Variants in AHSA1 observed in about 807,000 individuals in gnomAD.
The protein encoded by AHSA1 is activator of 90 kDa heat shock protein ATPase homolog 1.
A neutral mutation model predicts 46.1 loss-of-function variants in AHSA1; 14 were observed. That is an observed-to-expected ratio of 0.30 (90% CI 0.20 to 0.47). AHSA1 has a LOEUF of 0.47. Among genes scored for constraint, AHSA1 ranks in the 20% least tolerant of loss-of-function variants. The pLI is 0.99. For synonymous variants in AHSA1, 147 were observed against 145.8 expected (o/e 1.01, Z -0.06); for missense variants, 333 against 415.9 (o/e 0.80, Z 1.73).
At chr14:77,461,085 G>T (rs139094061) in intron 2 of AHSA1, among the ~76,000 whole-genome samples, 3,228 of 152,156 alleles carry the variant, frequency 0.021, 52 homozygotes, top group Non-Finnish European at 0.033. Context: ...CTTGAACCCA[G>T]GAGGCGGAGG....
In AHSA1 at chr14:77,465,637, G is replaced by A; in HGVS notation, c.660G>A (p.Glu220=). 2 of 1,613,840 alleles carry A rather than the reference G, an allele frequency of 1.2e-6. No homozygotes were observed. Among genetic ancestry groups the A allele is most frequent in the Non-Finnish European group, 1.7e-6 (2 of 1,179,778 alleles). Residue 220 remains glutamate (E), a synonymous_variant, in exon 6 of 9, where the codon GAG becomes GAA. Transcript: ENST00000216479. ...TLKETFLTSP[E]ELYRVFTTQE... ...AGGAAACCTTCCTGACGTCACCAGAGGAGCTCTATAGAGTGTTTACCACCC... is the reference window on the plus strand; with the variant it reads ...AGGAAACCTTCCTGACGTCACCAGAAGAGCTCTATAGAGTGTTTACCACCC...
upstream of AHSA1, chr14:77,457,914 G>A: frequency 2.0e-6 from 1 of 501,928 alleles, no homozygotes; most frequent in South Asian, 3.2e-5. Flanking sequence ...TGAGCAGTTG[G>A]GTTTCGGGAC....
Position 77,469,128 on chromosome 14 carries a change from A to C in AHSA1, c.896A>C (p.Glu299Ala). Reference sequence around the variant, plus strand: ...TTCATCGACAAGAACGGAGAGACTGAGCTGTGCATGGAAGGTCGAGGCATC... The same window carrying C: ...TTCATCGACAAGAACGGAGAGACTGCGCTGTGCATGGAAGGTCGAGGCATC... ...LTFIDKNGET[E>A]LCMEGRGIPA... is the part of the protein sequence containing the mutation. The change falls in exon 9 of 9, where the codon GAG becomes GCG. Residue 299 changes from glutamate to alanine, a missense_variant. Transcript: ENST00000216479. The C allele has an allele frequency of 1.9e-6, 3 of 1,614,170 alleles. No individual in the cohort carries two copies. Among genetic ancestry groups the C allele is most frequent in the Non-Finnish European group, 2.5e-6 (3 of 1,180,032 alleles).
Position 77,467,497 on chromosome 14 carries a change from G to T in AHSA1, c.691-586G>T, listed in dbSNP as rs1477115988. Among the ~76,000 whole-genome samples the T allele has an allele frequency of 4.6e-5, 7 of 151,910 alleles. No homozygotes were observed. In the East Asian group the frequency reaches 1.4e-3, roughly 29 times the overall value. On this transcript the variant is annotated intron_variant, in intron 6 of 8. Coordinates refer to ENST00000216479, the MANE Select transcript of AHSA1 (RefSeq NM_012111.3). ...TCACGAGGTCAGGAGTTCAAGACCA[G>T]CCTGGCCAAGATGGTGAAACCCCAT... is the stretch of plus-strand genomic sequence containing the variant.
intron 7 of AHSA1, 76 bp from the exon 8 acceptor site, chr14:77,468,381 G>T: frequency 7.2e-7 from 1 of 1,391,978 alleles, no homozygotes; most frequent in African/African-American, 1.4e-5. Context: ...TCCGTATGAA[G>T]GGCAGATGAC....
At chr14:77,467,782 T>C (rs915847065) in intron 6 of AHSA1, among the ~76,000 whole-genome samples, 15 of 152,256 alleles carry the variant, frequency 9.9e-5, no homozygotes, top group African/African-American at 3.6e-4. Context: ...TCTCAAACAT[T>C]TACTTGAGAA....
Position 77,459,820 on chromosome 14 carries a change from G to C in AHSA1, c.271+14G>C, listed in dbSNP as rs758336265. The C allele has an allele frequency of 3.1e-6, 5 of 1,613,736 alleles. No homozygotes were observed. The highest frequency in any genetic ancestry group is 4.2e-6 in the Non-Finnish European group (5 of 1,179,610). On this transcript the variant is annotated intron_variant, in intron 2 of 8. Coordinates refer to ENST00000216479, the MANE Select transcript of AHSA1 (RefSeq NM_012111.3). ...TAAACTGGACAGGTAAGTCTAAGCTGGGCTGTCAGAGAGATTAACTGTGTT... is the reference window on the plus strand; with the variant it reads ...TAAACTGGACAGGTAAGTCTAAGCTCGGCTGTCAGAGAGATTAACTGTGTT...
intron 5 of AHSA1, among the ~76,000 whole-genome samples, chr14:77,465,290 T>C (rs562419510): frequency 1.3e-5 from 2 of 152,330 alleles, no homozygotes; most frequent in East Asian, 3.9e-4. Flanking sequence ...AATGATTTGA[T>C]TTGTTATTTG....
At position 77,458,119 on chromosome 14, in the gene AHSA1, C is replaced by T. The variant is rs752557556; in HGVS notation, c.-71C>T. 3.7e-6 allele frequency: 5 copies of T among 1,360,142 alleles called. No homozygotes were observed. Among genetic ancestry groups the T allele is most frequent in the Non-Finnish European group, 4.8e-6 (5 of 1,033,490 alleles). The allele number at this position is 1,360,142 out of a possible 1,614,324, so 84.3% of individuals were successfully genotyped here. On this transcript the variant is annotated 5_prime_UTR_variant, in exon 1 of 9. Transcript: ENST00000216479. ...GTAGTTTCCAGGCGCTGCCGGGCGGCTGGCACTAAGCGGTCCTGAGGCTGT... is the reference window on the plus strand; with the variant it reads ...GTAGTTTCCAGGCGCTGCCGGGCGGTTGGCACTAAGCGGTCCTGAGGCTGT...
Position 77,465,605 on chromosome 14 carries a change from A to G in AHSA1, c.628A>G (p.Thr210Ala). 1.2e-6 allele frequency: 2 copies of G among 1,613,998 alleles called. No homozygotes were observed. The highest frequency in any genetic ancestry group is 2.2e-5 in the South Asian group (2 of 91,082). ...VGVKIPTCKITLKETFLTSPE... is the reference protein window; with the variant it reads ...VGVKIPTCKIALKETFLTSPE... ...AGTCAAAATCCCCACTTGTAAGATC[A>G]CTCTTAAGGAAACCTTCCTGACGTC... is the stretch of plus-strand genomic sequence containing the variant. Residue 210 changes from threonine (T) to alanine (A), a missense_variant, in exon 6 of 9, where the codon ACT becomes GCT. By Grantham distance (58) the Thr-to-Ala change is moderately conservative. Coordinates refer to ENST00000216479, the MANE Select transcript of AHSA1 (RefSeq NM_012111.3).
chr14:77,468,410 G>A, intron 7 of AHSA1, 47 bp from the exon 8 acceptor site: 1 of 1,537,502 alleles, frequency 6.5e-7, no homozygotes, highest in Non-Finnish European at 9.0e-7. Flanking sequence ...GCTAGGATTG[G>A]GTACATTGTA....
In AHSA1 at chr14:77,459,598, T is replaced by C; in HGVS notation, c.81-18T>C. The C allele has an allele frequency of 6.2e-7, 1 of 1,613,722 alleles. No homozygotes were observed. Among genetic ancestry groups the C allele is most frequent in the Non-Finnish European group, 8.5e-7 (1 of 1,179,626 alleles). ...CTCCGTTTGACTGCTGGTTCATAGC[T>C]CTGTTTCTGCTTTGCAGGACGGAGA... is the stretch of plus-strand genomic sequence containing the variant. On this transcript the variant is annotated intron_variant, in intron 1 of 8. Transcript: ENST00000216479.
At chr14:77,466,969 C>T (rs928524524) in intron 6 of AHSA1, among the ~76,000 whole-genome samples, 7 of 152,234 alleles carry the variant, frequency 4.6e-5, no homozygotes, top group Non-Finnish European at 8.8e-5. Flanking sequence ...GGATTCCTAA[C>T]ATTTTTAACC....
Position 77,468,810 on chromosome 14 carries a change from G to A in AHSA1, c.845-267G>A, listed in dbSNP as rs546220039. The A allele has an allele frequency of 2.3e-4, 139 of 606,260 alleles. 1 individual carries two copies. In the South Asian group the frequency reaches 2.7e-3, roughly 12 times the overall value. 37.6% of individuals were successfully genotyped at this position (606,260 alleles called of 1,614,324 possible). A position where few individuals can be genotyped will look rare whatever the true frequency, so the allele number is the denominator to read the frequency against. Reference sequence around the variant, plus strand: ...TTGTCCAGGCTAGTCTCGAACTCCTGGGCTCAAGTGATCCTCCTGCCTCAG... The same window carrying A: ...TTGTCCAGGCTAGTCTCGAACTCCTAGGCTCAAGTGATCCTCCTGCCTCAG... On this transcript the variant is annotated intron_variant, in intron 8 of 8. Transcript: ENST00000216479.
intron 3 of AHSA1, 70 bp downstream of exon 3, chr14:77,462,312 T>A: frequency 2.1e-6 from 3 of 1,444,060 alleles, no homozygotes; most frequent in Non-Finnish European, 2.9e-6. Context: ...AAGTGACCTG[T>A]CATTCAGGAT....
chr14:77,465,339 G>A (rs1336781424), intron 5 of AHSA1, among the ~76,000 whole-genome samples, 200 bp from the exon 6 acceptor site: 2 of 152,178 alleles, frequency 1.3e-5, no homozygotes, highest in African/African-American at 4.8e-5. Flanking sequence ...TATTTTTACT[G>A]GGAATTGAGG....
rs749318475 is a variant in AHSA1, at chr14:77,462,117, C to T, written c.272-43C>T. ...TTAGGACCCTGGAGCAGAGACCTTT[C>T]CTGCCAAGGAGTGGACTAATGACAT... On this transcript the variant is annotated intron_variant, in intron 2 of 8. Coordinates refer to ENST00000216479, the MANE Select transcript of AHSA1 (RefSeq NM_012111.3). The T allele has an allele frequency of 2.7e-6, 4 of 1,489,198 alleles. No homozygotes were observed. The African/African-American group carries it at 4.1e-5, about 15-fold the overall frequency. 92.2% of individuals were successfully genotyped at this position (1,489,198 alleles called of 1,614,324 possible).
chr14:77,461,513 G>C (rs1319281029), intron 2 of AHSA1, among the ~76,000 whole-genome samples: 1 of 152,086 alleles, frequency 6.6e-6, no homozygotes, highest in East Asian at 1.9e-4. Flanking sequence ...CTGAGCGACA[G>C]AGCAAGACTC....
At chr14:77,468,721 C>CTTTTTTTTTTTTTTTTTTTTTTTTTT (rs572116649) in intron 8 of AHSA1, 4 of 224,426 alleles carry the variant, frequency 1.8e-5, no homozygotes, top group South Asian at 6.4e-5. Flanking sequence ...ACCATGCCAG[C>CTTTTTTTTTTTTTTTTTTTTTTTTTT]TTTTTTTTTT....
Sources: gnomAD v4.1 joint callset for allele counts (sites outside exome capture counted in the v4.1 genomes callset) on GRCh38, gnomAD v4.1.1 for gene constraint, MANE v1.5 for transcripts, NCBI Gene and HGNC (gene_info 2026-07-23, HGNC 2026-07-21) for gene names.